Variants in ADAM9 observed in about 807,000 individuals in gnomAD.
ADAM9 encodes disintegrin and metalloproteinase domain-containing protein 9.
ADAM9 carries 54 observed loss-of-function variants against 108.1 expected under a neutral mutation model. That is an observed-to-expected ratio of 0.50 (90% CI 0.40 to 0.63). ADAM9 has a LOEUF of 0.63. ADAM9 is among the 20% of genes least tolerant of loss of function. The probability of loss-of-function intolerance (pLI) is 0.00; values close to 1 mark genes in which losing one functional copy is unlikely to be tolerated. For missense variants in ADAM9, 830 were observed against 997.7 expected, an observed-to-expected ratio of 0.83 and a Z score of 2.26; for synonymous variants, 316 against 336.0, an observed-to-expected ratio of 0.94 and a Z score of 0.65.
chr8:39,034,131 A>C (rs1837193307), intron 11 of ADAM9, among the ~76,000 whole-genome samples: 1 of 152,154 alleles, frequency 6.6e-6, no homozygotes, highest in South Asian at 2.1e-4. Flanking sequence ...AGGCCTAAGC[A>C]ATCCTCCCAC....
intron 1 of ADAM9, among the ~76,000 whole-genome samples, chr8:39,000,985 C>T (rs1835975341): frequency 6.6e-6 from 1 of 152,088 alleles, no homozygotes; most frequent in Non-Finnish European, 1.5e-5. Context: ...ATGAATTGTT[C>T]TTTTAATGAG....
At chr8:39,057,725 T>G (rs1445036929) in intron 14 of ADAM9, among the ~76,000 whole-genome samples, 1 of 152,108 alleles carries the variant, frequency 6.6e-6, no homozygotes, top group African/African-American at 2.4e-5. Flanking sequence ...TTCGTTCAAG[T>G]TTAAAATTGA....
At chr8:39,018,942 T>C in intron 7 of ADAM9, 24 bp downstream of exon 7, 1 of 1,608,174 alleles carries the variant, frequency 6.2e-7, no homozygotes, top group Non-Finnish European at 8.5e-7. Flanking sequence ...CAATTTTTCT[T>C]CTTTTCCATG....
At chr8:39,080,735 G>A (rs1384940069) in intron 16 of ADAM9, among the ~76,000 whole-genome samples, 2 of 152,056 alleles carry the variant, frequency 1.3e-5, no homozygotes, top group African/African-American at 4.8e-5. Context: ...GTGGGGTAGG[G>A]GGAAAAGTGG....
intron 16 of ADAM9, among the ~76,000 whole-genome samples, chr8:39,079,786 T>C (rs1838963281): frequency 6.6e-6 from 1 of 152,184 alleles, no homozygotes; most frequent in Non-Finnish European, 1.5e-5. Flanking sequence ...GGTTTCGCCA[T>C]ATTGGCCAGA....
rs1419472810 is a variant in ADAM9, at chr8:39,104,965, TACA to T, written c.*1269_*1271del. 2.3e-6 allele frequency: 1 copy of T among 425,834 alleles called. No homozygotes were observed. The highest frequency in any genetic ancestry group is 2.1e-5 in the African/African-American group (1 of 48,338). 26.4% of individuals were successfully genotyped at this position (425,834 alleles called of 1,614,324 possible). A position where few individuals can be genotyped will look rare whatever the true frequency, so the allele number is the denominator to read the frequency against. ...GTTTGTGTATATATACATATACAAA[TACA>T]ACATTTACAATAAATAAAATACTTG... On this transcript the variant is annotated 3_prime_UTR_variant, in exon 22 of 22. Transcript: ENST00000487273.
chr8:39,045,358 A>ACC lies in ADAM9; in HGVS notation c.1302+3241_1302+3242insCC, dbSNP rs1398231147. ...TACACCTATACATGTGTGTACATAC[A>ACC]TATAGGTGTGTGTACATACACCTAT... On this transcript the variant is annotated intron_variant, in intron 12 of 21. Transcript: ENST00000487273. 2.1e-3 allele frequency among the ~76,000 whole-genome samples: 193 copies of ACC among 93,448 alleles called. 24 individuals carry two copies. Among genetic ancestry groups the ACC allele is most frequent in the African/African-American group, 4.2e-3 (102 of 24,006 alleles). The allele number at this position is 93,448 out of a possible 152,430, so 61.3% of individuals were successfully genotyped here.
At chr8:39,090,411 A>G (rs756480083) in intron 19 of ADAM9, among the ~76,000 whole-genome samples, 8 of 152,186 alleles carry the variant, frequency 5.3e-5, no homozygotes, top group African/African-American at 1.9e-4. Context: ...GAAGCCATCC[A>G]TCTGCCTCAG....
In ADAM9 at chr8:39,023,246, G is replaced by C; in HGVS notation, c.835G>C (p.Asp279His). 1 of 1,613,830 alleles carries C rather than the reference G, an allele frequency of 6.2e-7. No homozygotes were observed. The stretch of plus-strand genomic sequence containing the variant: ...GATCAACATAGTTGGGGGTGCTGGT[G>C]ATGTGCTGGGGAACTTCGTGCAGTG... ...NLINIVGGAG[D>H]VLGNFVQWRE... is the part of the protein sequence containing the mutation. Residue 279 changes from aspartate to histidine, a missense_variant, in exon 9 of 22, where the codon GAT becomes CAT. Physicochemically the swap from Asp to His is moderately conservative, Grantham distance 81. Coordinates refer to ENST00000487273, the MANE Select transcript of ADAM9 (RefSeq NM_003816.3).
At chr8:39,009,844 T>C (rs897970011) in intron 2 of ADAM9, among the ~76,000 whole-genome samples, 3 of 139,928 alleles carry the variant, frequency 2.1e-5, no homozygotes, top group Non-Finnish European at 4.6e-5. Flanking sequence ...CAAAAATTTA[T>C]GCCCTTGCAT....
chr8:39,055,285 G>A (rs967924667), intron 13 of ADAM9, among the ~76,000 whole-genome samples: 1 of 152,022 alleles, frequency 6.6e-6, no homozygotes, highest in Non-Finnish European at 1.5e-5. Flanking sequence ...TGCCAATATT[G>A]GGTACTAGCA....
intron 1 of ADAM9, among the ~76,000 whole-genome samples, chr8:39,003,502 A>G (rs184624060): frequency 4.0e-5 from 6 of 151,676 alleles, no homozygotes; most frequent in African/African-American, 1.4e-4. Flanking sequence ...AAAAAAAACA[A>G]CTAAAGGGAA....
chr8:39,062,272 T>A (rs192038270), intron 14 of ADAM9, among the ~76,000 whole-genome samples: 31 of 152,336 alleles, frequency 2.0e-4, no homozygotes, highest in African/African-American at 7.5e-4. Flanking sequence ...TTTGGCATTG[T>A]ATGGGAGGGT....
intron 14 of ADAM9, among the ~76,000 whole-genome samples, chr8:39,065,577 G>A (rs947441331): frequency 4.7e-5 from 7 of 149,858 alleles, no homozygotes; most frequent in African/African-American, 7.4e-5. Flanking sequence ...GGAGAATGGC[G>A]TGAACCCGGG....
At position 39,065,330 on chromosome 8, in the gene ADAM9, C is replaced by T. The variant is rs555982088; in HGVS notation, c.1592-5968C>T. On this transcript the variant is annotated intron_variant, in intron 14 of 21. Coordinates refer to ENST00000487273, the MANE Select transcript of ADAM9 (RefSeq NM_003816.3). ...GTTTTCAGAAACTCTTTTATATTCTCTGAGTTTTTTTCCCACTTATTTTTA... is the reference window on the plus strand; with the variant it reads ...GTTTTCAGAAACTCTTTTATATTCTTTGAGTTTTTTTCCCACTTATTTTTA... Among the ~76,000 whole-genome samples the T allele has an allele frequency of 4.6e-5, 7 of 151,578 alleles. No individual in the cohort carries two copies. In the East Asian group the frequency reaches 1.2e-3, roughly 25 times the overall value.
chr8:39,026,339 G>A (rs1448533549), intron 10 of ADAM9, among the ~76,000 whole-genome samples: 2 of 152,160 alleles, frequency 1.3e-5, no homozygotes, highest in Non-Finnish European at 2.9e-5. Context: ...CCACTTATGA[G>A]TGTAGCTCTT....
rs1445534502 is a variant in ADAM9 at position 39,066,634 on chromosome 8, G to A, written c.1592-4664G>A. ...TGTTGTAAATTTGTTTGAGTTCTTT[G>A]TAGATTCTGGATATTAGCCCTTTGT... is the stretch of plus-strand genomic sequence containing the variant. On this transcript the variant is annotated intron_variant, in intron 14 of 21. Coordinates refer to ENST00000487273, the MANE Select transcript of ADAM9 (RefSeq NM_003816.3). 4.6e-5 allele frequency among the ~76,000 whole-genome samples: 7 copies of A among 152,272 alleles called. No homozygotes were observed. The South Asian group carries it at 1.5e-3, about 32-fold the overall frequency.
chr8:39,066,200 T>C (rs944130498), intron 14 of ADAM9, among the ~76,000 whole-genome samples: 2 of 152,232 alleles, frequency 1.3e-5, no homozygotes, highest in African/African-American at 2.4e-5. Flanking sequence ...TGAATAGTGC[T>C]GCAATAAACA....
chr8:39,006,726 G>A (rs774390773), intron 1 of ADAM9, among the ~76,000 whole-genome samples: 10 of 151,944 alleles, frequency 6.6e-5, no homozygotes, highest in Non-Finnish European at 1.3e-4. Flanking sequence ...TTCAAGTGAT[G>A]ACTTTAGAAC....
Sources: gnomAD v4.1 joint callset for allele counts (sites outside exome capture counted in the v4.1 genomes callset) on GRCh38, gnomAD v4.1.1 for gene constraint, MANE v1.5 for transcripts, NCBI Gene and HGNC (gene_info 2026-07-23, HGNC 2026-07-21) for gene names.